Variants in MYCBP2 observed in about 807,000 individuals in gnomAD.
MYCBP2 encodes E3 ubiquitin-protein ligase MYCBP2.
In MYCBP2, 120 loss-of-function variants were observed where a neutral mutation model predicts 525.3. That is an observed-to-expected ratio of 0.23 (90% confidence interval 0.20 to 0.27). The LOEUF (loss-of-function observed/expected upper bound fraction) is 0.27, where lower values mean the gene tolerates loss of function less well. Among genes scored for constraint, MYCBP2 ranks in the 10% least tolerant of loss-of-function variants. The pLI is 1.00. For missense variants in MYCBP2, 4,149 were observed against 5,657.1 expected, an observed-to-expected ratio of 0.73 and a Z score of 8.55; for synonymous variants, 1,894 against 1,955.8, an observed-to-expected ratio of 0.97 and a Z score of 0.83.
Position 77,260,444 on chromosome 13 carries a change from A to C in MYCBP2, c.2001T>G (p.Ile667Met). 6.3e-7 allele frequency: 1 copy of C among 1,592,896 alleles called. No homozygotes were observed. The highest frequency in any genetic ancestry group is 2.3e-5 in the East Asian group (1 of 44,140). ...TTAACTTACTTGAACTATCAGAGTA[A>C]ATGGCATCTTTTCCAAACATGTAGA... ...GELYMFGKDAIYSDSSSLVTD... is the reference protein window; with the variant it reads ...GELYMFGKDAMYSDSSSLVTD... The change falls in exon 13 of 83, where the codon ATT (isoleucine) becomes ATG (methionine). Residue 667 changes from isoleucine to methionine, a missense_variant. Around this residue, in one of 21 missense-constraint regions of MYCBP2, gnomAD observed 262 missense variants for 419.3 expected, o/e 0.62. Coordinates refer to ENST00000544440, the MANE Select transcript of MYCBP2 (RefSeq NM_015057.5).
At chr13:77,047,391 C>G (rs558423052) in intron 82 of MYCBP2, among the ~76,000 whole-genome samples, 1 of 151,950 alleles carries the variant, frequency 6.6e-6, no homozygotes. Context: ...TATCCTGGCA[C>G]GAGAAGGTAG....
chr13:77,274,900 C>T (rs2075346085), intron 4 of MYCBP2, among the ~76,000 whole-genome samples: 1 of 152,078 alleles, frequency 6.6e-6, no homozygotes, highest in African/African-American at 2.4e-5. Context: ...TGTCTGTACA[C>T]ATCCTATACT....
At chr13:77,256,556 A>C (rs145406662) in intron 14 of MYCBP2, among the ~76,000 whole-genome samples, 74 of 152,258 alleles carry the variant, frequency 4.9e-4, no homozygotes, top group Admixed American at 7.9e-4. Context: ...ATCCAATTAA[A>C]AAATGTGAAA....
chr13:77,298,274 T>C (rs2078404889), intron 1 of MYCBP2, among the ~76,000 whole-genome samples: 1 of 152,240 alleles, frequency 6.6e-6, no homozygotes, highest in African/African-American at 2.4e-5. Flanking sequence ...CCACTACTTA[T>C]CTTCGAGGTC....
At chr13:77,103,298 C>A (rs527612562) in intron 55 of MYCBP2, 2 of 397,138 alleles carry the variant, frequency 5.0e-6, no homozygotes, top group Non-Finnish European at 4.4e-6. Flanking sequence ...AGCAAGGTTG[C>A]GAGATGGAGA....
intron 17 of MYCBP2, among the ~76,000 whole-genome samples, chr13:77,238,115 C>T (rs143508394): frequency 0.054 from 8,238 of 151,872 alleles, 325 homozygotes; most frequent in Non-Finnish European, 0.086. Flanking sequence ...TGGTGGTGAA[C>T]GCCTGCAGTC....
intron 44 of MYCBP2, among the ~76,000 whole-genome samples, chr13:77,160,010 T>C (rs1411676830): frequency 1.3e-5 from 2 of 152,116 alleles, no homozygotes; most frequent in Admixed American, 1.3e-4. Context: ...TTTCTTAACA[T>C]TATTGACAAC....
Position 77,185,320 on chromosome 13 carries a change from G to A in MYCBP2, c.4502C>T (p.Thr1501Ile), listed in dbSNP as rs1404546175. 6.2e-7 allele frequency: 1 copy of A among 1,613,914 alleles called. No homozygotes were observed. Among genetic ancestry groups the A allele is most frequent in the Non-Finnish European group, 8.5e-7 (1 of 1,179,972 alleles). The change falls in exon 32 of 83, where the codon ACC becomes ATC. Residue 1501 changes from threonine (T) to isoleucine (I), a missense_variant. Coordinates refer to ENST00000544440, the MANE Select transcript of MYCBP2 (RefSeq NM_015057.5). ...TSKLAECIGK[T>I]RTLLRKILSE... ...TAAAATTTTTCTTAACAAAGTTCTG[G>A]TTTTTCCAATACACTCTGCTAATTT...
intron 72 of MYCBP2, among the ~76,000 whole-genome samples, chr13:77,065,255 C>G (rs974327773): frequency 1.3e-5 from 2 of 152,138 alleles, no homozygotes; most frequent in African/African-American, 4.8e-5. Flanking sequence ...AATGAACACC[C>G]TGAGAAAGTC....
At chr13:77,077,929 A>G (rs1194993515) in intron 66 of MYCBP2, 2 of 152,508 alleles carry the variant, frequency 1.3e-5, no homozygotes, top group African/African-American at 4.8e-5. Flanking sequence ...TGAGAATATG[A>G]CTTTTTTTTT....
At chr13:77,309,756 C>T (rs575864273) in intron 1 of MYCBP2, among the ~76,000 whole-genome samples, 1 of 152,320 alleles carries the variant, frequency 6.6e-6, no homozygotes, top group South Asian at 2.1e-4. Flanking sequence ...CATTCATCCT[C>T]TATAACACTA....
intron 3 of MYCBP2, among the ~76,000 whole-genome samples, chr13:77,287,864 A>T (rs1229079615): frequency 1.3e-5 from 2 of 152,030 alleles, no homozygotes; most frequent in African/African-American, 4.8e-5. Context: ...CTATACTAGC[A>T]TTTCCACCCT....
chr13:77,055,123 G>A (rs1326167889), intron 80 of MYCBP2, among the ~76,000 whole-genome samples: 1 of 137,034 alleles, frequency 7.3e-6, no homozygotes, highest in Non-Finnish European at 1.7e-5. Flanking sequence ...AAATATGTAA[G>A]GGGTAGGTTA....
intron 27 of MYCBP2, 53 bp from the exon 28 acceptor site, chr13:77,191,866 T>C (rs974851495): frequency 5.8e-5 from 90 of 1,554,874 alleles, no homozygotes; most frequent in Middle Eastern, 1.7e-4. Flanking sequence ...CTCTGTCACA[T>C]ATATTTATTT....
intron 36 of MYCBP2, among the ~76,000 whole-genome samples, chr13:77,175,481 C>T (rs1438468934): frequency 6.6e-6 from 1 of 152,098 alleles, no homozygotes; most frequent in Non-Finnish European, 1.5e-5. Flanking sequence ...ATATAAATTT[C>T]ACAATAAAAG....
chr13:77,232,036 A>G (rs951141617), intron 18 of MYCBP2, among the ~76,000 whole-genome samples: 1 of 152,186 alleles, frequency 6.6e-6, no homozygotes, highest in African/African-American at 2.4e-5. Context: ...TTATTTCTGC[A>G]GAGTATATCT....
rs553776644 is a variant in MYCBP2, at chr13:77,188,012, A to G, written c.4251+939T>C. On this transcript the variant is annotated intron_variant, in intron 30 of 82. Transcript: ENST00000544440. Reference sequence around the variant, plus strand: ...CTTGAACTCAGGACGCGGAGGTTGCAGTGAGCCAAGATCGTGCCACTGCAC... The same window carrying G: ...CTTGAACTCAGGACGCGGAGGTTGCGGTGAGCCAAGATCGTGCCACTGCAC... Among the ~76,000 whole-genome samples the G allele has an allele frequency of 4.0e-5, 6 of 149,544 alleles. No homozygotes were observed. In the East Asian group the frequency reaches 1.2e-3, roughly 30 times the overall value.
In MYCBP2 at chr13:77,264,480, C is replaced by A. The variant is rs143923006; in HGVS notation, c.1358-478G>T. Among the ~76,000 whole-genome samples the A allele has an allele frequency of 6.4e-3, 977 of 152,204 alleles. 9 individuals are homozygous for A. Among genetic ancestry groups the A allele is most frequent in the African/African-American group, 0.022 (914 of 41,550 alleles). On this transcript the variant is annotated intron_variant, in intron 8 of 82. Coordinates refer to ENST00000544440, the MANE Select transcript of MYCBP2 (RefSeq NM_015057.5). ...TGCTTTGTAAAATGGATATTCAAAA[C>A]CAGTTGTACATTTCCCACTTAAAAA...
intron 52 of MYCBP2, among the ~76,000 whole-genome samples, chr13:77,131,701 G>A (rs1194931952): frequency 1.3e-5 from 2 of 152,056 alleles, no homozygotes; most frequent in Non-Finnish European, 2.9e-5. Flanking sequence ...GCTTGTGTGT[G>A]CATGTGTATA....
Sources: gnomAD v4.1 joint callset for allele counts (sites outside exome capture counted in the v4.1 genomes callset) on GRCh38, gnomAD v4.1.1 for gene constraint, gnomAD v4.1.1 regional missense constraint, MANE v1.5 for transcripts, NCBI Gene and HGNC (gene_info 2026-07-23, HGNC 2026-07-21) for gene names.